Variants in AGBL1 observed in about 807,000 individuals in gnomAD.
The protein encoded by AGBL1 is cytosolic carboxypeptidase 4.
Under a neutral mutation model 118.9 loss-of-function variants are expected in AGBL1, and 130 were observed. That is an observed-to-expected ratio of 1.09 (90% confidence interval 0.95 to 1.26). The LOEUF is 1.26. Ranked by LOEUF, AGBL1 falls within the 50% of genes most tolerant of loss-of-function variation. AGBL1 has a pLI of 0.00. For synonymous variants in AGBL1, 555 were observed against 478.9 expected (o/e 1.16, Z -2.08); for missense variants, 1,584 against 1,298.1 (o/e 1.22, Z -3.38).
intron 23 of AGBL1, among the ~76,000 whole-genome samples, chr15:86,927,181 A>T (rs893812734): frequency 1.3e-5 from 2 of 151,948 alleles, no homozygotes; most frequent in East Asian, 3.8e-4. Context: ...ATAAAATAAA[A>T]TAAAATCTCC....
chr15:86,413,048 A>G (rs2081643912), intron 18 of AGBL1, among the ~76,000 whole-genome samples: 1 of 152,120 alleles, frequency 6.6e-6, no homozygotes, highest in African/African-American at 2.4e-5. Flanking sequence ...TTCTTTTTTT[A>G]TTTTGATTCT....
At chr15:86,090,183 T>G (rs1220247204) in intron 1 of AGBL1, among the ~76,000 whole-genome samples, 20 of 152,268 alleles carry the variant, frequency 1.3e-4, no homozygotes, top group African/African-American at 4.8e-4. Flanking sequence ...CAGTCGCAAT[T>G]TAAACACTGG....
chr15:86,776,248 T>G (rs1478851035), intron 22 of AGBL1, among the ~76,000 whole-genome samples: 2 of 152,156 alleles, frequency 1.3e-5, no homozygotes, highest in African/African-American at 4.8e-5. Flanking sequence ...CTTTCTGTCC[T>G]TTGCCTTGTA....
At chr15:86,293,111 A>G (rs1696263408) in intron 16 of AGBL1, among the ~76,000 whole-genome samples, 1 of 152,188 alleles carries the variant, frequency 6.6e-6, no homozygotes, top group South Asian at 2.1e-4. Flanking sequence ...GAGTATAAAT[A>G]GGTTTTAGTC....
At chr15:86,280,880 T>A (rs770748835) in intron 16 of AGBL1, among the ~76,000 whole-genome samples, 1 of 152,210 alleles carries the variant, frequency 6.6e-6, no homozygotes, top group African/African-American at 2.4e-5. Context: ...GTTTTCCAGA[T>A]TGCAAAAAAT....
intron 21 of AGBL1, among the ~76,000 whole-genome samples, chr15:86,656,444 T>C (rs1596342388): frequency 6.6e-6 from 1 of 152,150 alleles, no homozygotes; most frequent in Non-Finnish European, 1.5e-5. Flanking sequence ...CCCAGTGTTG[T>C]AGAGTTCTAA....
chr15:86,850,059 T>C (rs1018671085), intron 22 of AGBL1, among the ~76,000 whole-genome samples: 1 of 152,234 alleles, frequency 6.6e-6, no homozygotes, highest in Non-Finnish European at 1.5e-5. Context: ...TAGTCACCTA[T>C]GTGCTGGTGT....
intron 7 of AGBL1, among the ~76,000 whole-genome samples, chr15:86,248,293 G>A (rs1390517841): frequency 6.6e-6 from 1 of 152,204 alleles, no homozygotes; most frequent in Non-Finnish European, 1.5e-5. Flanking sequence ...CTCCAGCCTA[G>A]GTGACAGAGT....
At chr15:86,728,376 C>A (rs918383799) in intron 22 of AGBL1, among the ~76,000 whole-genome samples, 5 of 152,148 alleles carry the variant, frequency 3.3e-5, no homozygotes, top group Non-Finnish European at 5.9e-5. Flanking sequence ...TAAAGAAATT[C>A]TATTCATAAA....
intron 21 of AGBL1, among the ~76,000 whole-genome samples, chr15:86,587,543 G>A (rs549822421): frequency 6.4e-4 from 98 of 152,262 alleles, no homozygotes; most frequent in African/African-American, 2.2e-3. Context: ...GGAGGAGGGC[G>A]TTCGTGGAAG....
chr15:86,323,819 A>G (rs2080142402), intron 17 of AGBL1, among the ~76,000 whole-genome samples: 1 of 152,222 alleles, frequency 6.6e-6, no homozygotes, highest in Non-Finnish European at 1.5e-5. Context: ...TCAGTTTTGC[A>G]CAGTATTTTG....
rs542495401 is a variant in AGBL1, at chr15:86,569,458, G to T, written c.2994+14921G>T. 1.6e-4 allele frequency among the ~76,000 whole-genome samples: 24 copies of T among 150,976 alleles called. 1 individual carries two copies. The highest frequency in any genetic ancestry group is 5.8e-4 in the African/African-American group (24 of 41,148). On this transcript the variant is annotated intron_variant, in intron 21 of 22. Transcript: ENST00000614907. ...ATCCGGATGCTAATCTATCATTTTA[G>T]TAGAAATACTATTTGGGCCATTTAT...
At chr15:86,743,893 A>G (rs1054266064) in intron 22 of AGBL1, among the ~76,000 whole-genome samples, 1 of 152,162 alleles carries the variant, frequency 6.6e-6, no homozygotes, top group Non-Finnish European at 1.5e-5. Context: ...ACACGTCTAC[A>G]CACAATCTTT....
chr15:86,235,859 G>A (rs777332015), intron 6 of AGBL1, among the ~76,000 whole-genome samples: 8 of 152,208 alleles, frequency 5.3e-5, no homozygotes, highest in Non-Finnish European at 1.0e-4. Context: ...CATCAACTGA[G>A]TAAAGGCCAG....
intron 19 of AGBL1, among the ~76,000 whole-genome samples, chr15:86,538,729 T>A (rs1344190334): frequency 6.6e-6 from 1 of 152,174 alleles, no homozygotes; most frequent in Non-Finnish European, 1.5e-5. Context: ...GAAGCAGGAA[T>A]GAGACCCAGA....
intron 22 of AGBL1, among the ~76,000 whole-genome samples, chr15:86,856,930 A>T (rs1026435497): frequency 3.3e-5 from 5 of 152,176 alleles, no homozygotes; most frequent in Non-Finnish European, 7.3e-5. Flanking sequence ...AGAGTGGTGA[A>T]GCCTAGTTTT....
At chr15:86,348,727 G>A (rs2080578223) in intron 17 of AGBL1, among the ~76,000 whole-genome samples, 1 of 150,292 alleles carries the variant, frequency 6.7e-6, no homozygotes. Context: ...GCAGAGAGCT[G>A]AGATTGAGCC....
chr15:86,992,007 G>T (rs1329086892), intron 24 of AGBL1, among the ~76,000 whole-genome samples: 5 of 152,138 alleles, frequency 3.3e-5, no homozygotes, highest in Non-Finnish European at 7.3e-5. Flanking sequence ...TAGTTTATAA[G>T]GAAAAGAGGT....
At chr15:86,152,510 T>C (rs1235687675) in intron 3 of AGBL1, among the ~76,000 whole-genome samples, 1 of 152,138 alleles carries the variant, frequency 6.6e-6, no homozygotes, top group Non-Finnish European at 1.5e-5. Flanking sequence ...GTACAAAAAT[T>C]AATTCAAGAT....
Sources: allele counts gnomAD v4.1 joint callset (sites outside exome capture counted in the v4.1 genomes callset), GRCh38; gene constraint gnomAD v4.1.1; transcripts MANE v1.5; gene names NCBI Gene and HGNC (gene_info 2026-07-23, HGNC 2026-07-21).